Variants in ZNF804A observed in about 807,000 individuals in gnomAD.
The protein encoded by ZNF804A is zinc finger protein 804A.
ZNF804A carries 2 observed loss-of-function variants against 16.5 expected under a neutral mutation model. The ratio of observed to expected loss-of-function variants is 0.12; its 90% confidence interval spans 0.05 to 0.38. ZNF804A has a LOEUF of 0.38. Ranked by LOEUF, ZNF804A falls within the 10% of genes least tolerant of loss-of-function variation. ZNF804A has a pLI of 0.99. For synonymous variants in ZNF804A, 534 were observed against 489.6 expected (o/e 1.09, Z -1.20); for missense variants, 1,473 against 1,390.7 (o/e 1.06, Z -0.94).
chr2:184,896,182 A>G (rs1685062382), intron 2 of ZNF804A, among the ~76,000 whole-genome samples: 2 of 152,132 alleles, frequency 1.3e-5, no homozygotes, highest in Admixed American at 1.3e-4. Context: ...CACCCCTAAT[A>G]ATTTCAGGAT....
At chr2:184,666,464 A>G (rs1692257321) in intron 1 of ZNF804A, among the ~76,000 whole-genome samples, 1 of 152,080 alleles carries the variant, frequency 6.6e-6, no homozygotes, top group South Asian at 2.1e-4. Context: ...TAGGAATAAC[A>G]TATGCAAATA....
intron 1 of ZNF804A, among the ~76,000 whole-genome samples, chr2:184,621,025 A>G (rs188790849): frequency 1.3e-3 from 197 of 151,778 alleles, no homozygotes; most frequent in African/African-American, 4.7e-3. Context: ...TGACAGAAGC[A>G]GACAGAAATA....
At chr2:184,648,074 A>C (rs769170497) in intron 1 of ZNF804A, among the ~76,000 whole-genome samples, 6 of 152,192 alleles carry the variant, frequency 3.9e-5, no homozygotes, top group Non-Finnish European at 8.8e-5. Context: ...CCCGATTTGC[A>C]CATGTCCCCT....
At chr2:184,625,501 G>A (rs1276188786) in intron 1 of ZNF804A, among the ~76,000 whole-genome samples, 2 of 152,018 alleles carry the variant, frequency 1.3e-5, no homozygotes, top group African/African-American at 4.8e-5. Context: ...ATTACATAAA[G>A]ATGAATACAG....
chr2:184,869,295 G>A (rs1558987807), intron 2 of ZNF804A, among the ~76,000 whole-genome samples: 1 of 151,816 alleles, frequency 6.6e-6, no homozygotes, highest in African/African-American at 2.4e-5. Context: ...GTGTCATATG[G>A]GTACTTACAT....
At chr2:184,819,409 C>G (rs957653272) in intron 1 of ZNF804A, among the ~76,000 whole-genome samples, 2 of 151,970 alleles carry the variant, frequency 1.3e-5, no homozygotes, top group African/African-American at 4.8e-5. Context: ...CTCTGGGACA[C>G]AGCTAAAGTA....
At chr2:184,780,287 C>A (rs778952464) in intron 1 of ZNF804A, among the ~76,000 whole-genome samples, 1 of 151,754 alleles carries the variant, frequency 6.6e-6, no homozygotes, top group South Asian at 2.1e-4. Context: ...TGTAGAGTTA[C>A]GGAGAAGGGT....
At chr2:184,849,347 C>CAAAAAAAAAAAA (rs1695568064) in intron 1 of ZNF804A, among the ~76,000 whole-genome samples, 1 of 151,864 alleles carries the variant, frequency 6.6e-6, no homozygotes, top group Non-Finnish European at 1.5e-5. Context: ...AGAAAGGTGA[C>CAAAAAAAAAAAA]AAAAGCAAAC....
intron 1 of ZNF804A, among the ~76,000 whole-genome samples, chr2:184,762,676 A>G (rs901224919): frequency 6.6e-6 from 1 of 151,992 alleles, no homozygotes; most frequent in Non-Finnish European, 1.5e-5. Flanking sequence ...TTTGGGGACT[A>G]TTTATCTGAG....
chr2:184,633,310 T>C (rs545104577), intron 1 of ZNF804A, among the ~76,000 whole-genome samples: 16 of 152,220 alleles, frequency 1.1e-4, no homozygotes, highest in Admixed American at 5.2e-4. Flanking sequence ...GAATGTCAGT[T>C]CTTCTATCTT....
intron 2 of ZNF804A, among the ~76,000 whole-genome samples, chr2:184,921,216 T>TG (rs1685523488): frequency 6.6e-6 from 1 of 152,172 alleles, no homozygotes; most frequent in South Asian, 2.1e-4. Context: ...ACTTTATTCT[T>TG]GTTTCAGAAA....
intron 1 of ZNF804A, among the ~76,000 whole-genome samples, chr2:184,847,943 G>A (rs528806775): frequency 5.9e-4 from 90 of 152,120 alleles, no homozygotes; most frequent in Middle Eastern, 6.8e-3. Flanking sequence ...GAAGGGTTGT[G>A]GAGCTTCCTT....
At chr2:184,789,068 A>G (rs1694492371) in intron 1 of ZNF804A, among the ~76,000 whole-genome samples, 1 of 152,024 alleles carries the variant, frequency 6.6e-6, no homozygotes, top group Non-Finnish European at 1.5e-5. Context: ...ATGTTATCGA[A>G]TGGTTTTTGT....
chr2:184,829,055 A>T (rs959694450), intron 1 of ZNF804A, among the ~76,000 whole-genome samples: 11 of 151,740 alleles, frequency 7.2e-5, no homozygotes, highest in Non-Finnish European at 1.5e-4. Context: ...ACAGAATGAA[A>T]CTTGATCTCT....
chr2:184,739,606 C>T (rs187258637), intron 1 of ZNF804A, among the ~76,000 whole-genome samples: 38 of 152,202 alleles, frequency 2.5e-4, no homozygotes, highest in Non-Finnish European at 4.0e-4. Context: ...TGGCCAGGCT[C>T]ATCTCAAACT....
At chr2:184,812,171 T>C (rs1364881980) in intron 1 of ZNF804A, among the ~76,000 whole-genome samples, 3 of 152,206 alleles carry the variant, frequency 2.0e-5, no homozygotes, top group Non-Finnish European at 2.9e-5. Context: ...TACCTGGCCC[T>C]ACAAGCTCCA....
chr2:184,842,143 T>C (rs759060990), intron 1 of ZNF804A, among the ~76,000 whole-genome samples: 6 of 152,212 alleles, frequency 3.9e-5, no homozygotes, highest in Non-Finnish European at 8.8e-5. Flanking sequence ...ATATCCCTTT[T>C]CTTTTGGATA....
At chr2:184,605,447 A>G (rs1691129975) in intron 1 of ZNF804A, among the ~76,000 whole-genome samples, 1 of 152,138 alleles carries the variant, frequency 6.6e-6, no homozygotes, top group Non-Finnish European at 1.5e-5. Context: ...TAGGACCTTC[A>G]TATCCATGGG....
intron 1 of ZNF804A, among the ~76,000 whole-genome samples, chr2:184,743,369 T>A (rs1693736807): frequency 6.6e-6 from 1 of 152,092 alleles, no homozygotes. Context: ...TATTCTTGAC[T>A]CACTTTATAT....
Sources: gnomAD v4.1 joint callset for allele counts (sites outside exome capture counted in the v4.1 genomes callset) on GRCh38, gnomAD v4.1.1 for gene constraint, MANE v1.5 for transcripts, NCBI Gene and HGNC (gene_info 2026-07-23, HGNC 2026-07-21) for gene names.